IGF2BP3: variants seen among roughly 807,000 people sequenced by gnomAD.
The protein encoded by IGF2BP3 is insulin like growth factor 2 mRNA binding protein 3, also known as insulin-like growth factor 2 mRNA-binding protein 3.
A neutral mutation model predicts 73.8 loss-of-function variants in IGF2BP3; 9 were observed. That is an observed-to-expected ratio of 0.12 (90% CI 0.07 to 0.21). The LOEUF is 0.21. IGF2BP3 is among the 10% of genes least tolerant of loss of function. The pLI, the probability that IGF2BP3 is intolerant of heterozygous loss-of-function variation, is 1.00. For synonymous variants in IGF2BP3, 258 were observed against 256.7 expected (o/e 1.01, Z -0.05); for missense variants, 542 against 714.0 (o/e 0.76, Z 2.75).
chr7:23,389,403 G>C (rs548195098), intron 3 of IGF2BP3, among the ~76,000 whole-genome samples: 6 of 152,058 alleles, frequency 3.9e-5, no homozygotes, highest in South Asian at 2.1e-4. Flanking sequence ...CTGGTGATCT[G>C]CCCACCTCAG....
At chr7:23,315,218 C>T (rs1276243337) in intron 12 of IGF2BP3, among the ~76,000 whole-genome samples, 1 of 151,992 alleles carries the variant, frequency 6.6e-6, no homozygotes, top group Non-Finnish European at 1.5e-5. Flanking sequence ...AGTGACTCTC[C>T]TGCCTCAGCC....
At chr7:23,315,965 A>G (rs1249678305) in intron 12 of IGF2BP3, among the ~76,000 whole-genome samples, 1 of 152,242 alleles carries the variant, frequency 6.6e-6, no homozygotes, top group Non-Finnish European at 1.5e-5. Flanking sequence ...CAAACATCAT[A>G]GGAGTTGCAG....
intron 5 of IGF2BP3, among the ~76,000 whole-genome samples, chr7:23,358,462 G>A (rs1785149802): frequency 6.6e-6 from 1 of 152,158 alleles, no homozygotes; most frequent in South Asian, 2.1e-4. Context: ...CAGGCCTATG[G>A]GGTTCATTGG....
chr7:23,382,493 T>C (rs910704109), intron 3 of IGF2BP3, among the ~76,000 whole-genome samples: 7 of 152,056 alleles, frequency 4.6e-5, no homozygotes, highest in African/African-American at 1.7e-4. Flanking sequence ...AGCAGTAAAA[T>C]TGCTAAAAAC....
At chr7:23,328,695 C>G (rs1784366451) in intron 10 of IGF2BP3, among the ~76,000 whole-genome samples, 1 of 152,026 alleles carries the variant, frequency 6.6e-6, no homozygotes, top group Non-Finnish European at 1.5e-5. Context: ...TAGGAATTAC[C>G]AAGGTTAATC....
chr7:23,395,382 C>T (rs1409350015), intron 3 of IGF2BP3, among the ~76,000 whole-genome samples: 1 of 151,960 alleles, frequency 6.6e-6, no homozygotes, highest in African/African-American at 2.4e-5. Flanking sequence ...TTCCATTTGC[C>T]ACCACCAAAA....
At chr7:23,381,488 C>A (rs1296820936) in intron 3 of IGF2BP3, among the ~76,000 whole-genome samples, 1 of 152,174 alleles carries the variant, frequency 6.6e-6, no homozygotes, top group African/African-American at 2.4e-5. Flanking sequence ...TTGACAGGTA[C>A]ATGAGGATTT....
chr7:23,370,643 C>T (rs1205564685), intron 3 of IGF2BP3, among the ~76,000 whole-genome samples: 1 of 151,536 alleles, frequency 6.6e-6, no homozygotes, highest in Non-Finnish European at 1.5e-5. Flanking sequence ...TTTTGTTCTA[C>T]AGGGCAAAGG....
chr7:23,326,914 T>C (rs897252773), intron 10 of IGF2BP3, among the ~76,000 whole-genome samples: 11 of 106,334 alleles, frequency 1.0e-4, no homozygotes, highest in African/African-American at 4.1e-4. Flanking sequence ...CTGGGGACTG[T>C]TGTGGGGTGG....
intron 3 of IGF2BP3, chr7:23,414,689 C>G (rs1181899579): frequency 1.9e-5 from 3 of 157,044 alleles, no homozygotes; most frequent in Non-Finnish European, 2.8e-5. Context: ...ACTATGGACT[C>G]TAATCTCTCC....
intron 10 of IGF2BP3, among the ~76,000 whole-genome samples, chr7:23,330,637 G>C (rs1214440989): frequency 6.6e-6 from 1 of 152,166 alleles, no homozygotes; most frequent in Non-Finnish European, 1.5e-5. Context: ...ACAACTGAAA[G>C]CAAGCAATGT....
At chr7:23,322,374 A>G (rs1437969637) in intron 10 of IGF2BP3, among the ~76,000 whole-genome samples, 4 of 152,170 alleles carry the variant, frequency 2.6e-5, no homozygotes, top group African/African-American at 9.7e-5. Context: ...TTAGAGAAAA[A>G]AGAATAAAAA....
chr7:23,341,215 C>A (rs183115615), intron 10 of IGF2BP3, among the ~76,000 whole-genome samples: 23 of 152,226 alleles, frequency 1.5e-4, no homozygotes, highest in Non-Finnish European at 2.8e-4. Flanking sequence ...TATGCACGCA[C>A]ACACACAATA....
intron 2 of IGF2BP3, among the ~76,000 whole-genome samples, chr7:23,452,751 G>A (rs1302269768): frequency 2.0e-5 from 3 of 149,586 alleles, no homozygotes; most frequent in African/African-American, 5.0e-5. Context: ...GCAGTGAGCC[G>A]AGATCGTGCC....
chr7:23,416,838 G>C (rs1002782498), intron 3 of IGF2BP3, among the ~76,000 whole-genome samples: 23 of 152,182 alleles, frequency 1.5e-4, no homozygotes, highest in African/African-American at 5.3e-4. Flanking sequence ...TGGATCGCCT[G>C]AGGTCAGGAG....
chr7:23,370,465 T>C (rs1305013721), intron 3 of IGF2BP3, among the ~76,000 whole-genome samples: 1 of 152,186 alleles, frequency 6.6e-6, no homozygotes, highest in Admixed American at 6.5e-5. Flanking sequence ...TGTACCAATA[T>C]ATATCCTGAA....
intron 3 of IGF2BP3, among the ~76,000 whole-genome samples, chr7:23,399,265 C>T (rs1786582767): frequency 6.6e-6 from 1 of 152,102 alleles, no homozygotes; most frequent in Non-Finnish European, 1.5e-5. Context: ...TTCCATTGAT[C>T]TATACCTCTG....
At chr7:23,384,229 T>C (rs1786009488) in intron 3 of IGF2BP3, among the ~76,000 whole-genome samples, 1 of 150,332 alleles carries the variant, frequency 6.7e-6, no homozygotes, top group African/African-American at 2.5e-5. Context: ...TTATATGAAA[T>C]GCACAGAATA....
chr7:23,390,039 A>G (rs774939657), intron 3 of IGF2BP3, among the ~76,000 whole-genome samples: 9 of 152,160 alleles, frequency 5.9e-5, no homozygotes, highest in Non-Finnish European at 7.3e-5. Context: ...GCCAAGTGAA[A>G]TAACGATGCT....
Sources: gnomAD v4.1 joint callset for allele counts (sites outside exome capture counted in the v4.1 genomes callset) on GRCh38, gnomAD v4.1.1 for gene constraint, MANE v1.5 for transcripts, NCBI Gene and HGNC (gene_info 2026-07-23, HGNC 2026-07-21) for gene names.